C1GALT1: variants seen among roughly 807,000 people sequenced by gnomAD.
C1GALT1 encodes core 1 synthase, glycoprotein-N-acetylgalactosamine 3-beta-galactosyltransferase 1.
Under a neutral mutation model 31.0 loss-of-function variants are expected in C1GALT1, and 11 were observed. The ratio of observed to expected loss-of-function variants is 0.36; its 90% CI spans 0.22 to 0.59. The LOEUF (loss-of-function observed/expected upper bound fraction) is 0.59. Among genes scored for constraint, C1GALT1 ranks in the 20% least tolerant of loss-of-function variants. The probability of loss-of-function intolerance (pLI) is 0.79; values close to 1 mark genes in which losing one functional copy is unlikely to be tolerated. For synonymous variants in C1GALT1, 175 were observed against 143.6 expected, an observed-to-expected ratio of 1.22 and a Z score of -1.56; for missense variants, 424 against 425.2, an observed-to-expected ratio of 1.00 and a Z score of 0.03.
chr7:7,199,199 C>T (rs967389745), intron 1 of C1GALT1, among the ~76,000 whole-genome samples: 2 of 152,172 alleles, frequency 1.3e-5, no homozygotes, highest in African/African-American at 4.8e-5. Context: ...CCTCTACACA[C>T]TGCTTTAAAT....
At position 7,174,610 on chromosome 7, in the gene C1GALT1, A is replaced by G. The variant is rs141196193; in HGVS notation, c.-18+17184A>G. ...AAGAAAAAAAAAAAGTAGCTATACC[A>G]TTTGCATTCCAACAACAAATGAAAA... is the stretch of plus-strand genomic sequence containing the variant. On this transcript the variant is annotated intron_variant, in intron 2 of 3. Transcript: ENST00000429911. 2.7e-3 allele frequency among the ~76,000 whole-genome samples: 403 copies of G among 152,028 alleles called. 2 individuals carry two copies. Among genetic ancestry groups the G allele is most frequent in the African/African-American group, 9.1e-3 (378 of 41,440 alleles).
intron 1 of C1GALT1, among the ~76,000 whole-genome samples, chr7:7,217,657 G>A (rs1261821421): frequency 4.6e-5 from 7 of 152,158 alleles, no homozygotes; most frequent in Non-Finnish European, 7.4e-5. Context: ...AAATACAACA[G>A]AAGCAGTTCT....
At chr7:7,181,273 G>GATATTGCGGAAAGGTGGAAGGATATTGC (rs1349033458), upstream of C1GALT1, among the ~76,000 whole-genome samples, 7 of 152,042 alleles carry the variant, frequency 4.6e-5, no homozygotes, top group African/African-American at 7.2e-5. Flanking sequence ...AAGGTGGAGG[G>GATATTGCGGAAAGGTGGAAGGATATTGC]GGAGGAGGCT....
chr7:7,228,122 T>C (rs1480612209), intron 1 of C1GALT1, among the ~76,000 whole-genome samples: 2 of 152,220 alleles, frequency 1.3e-5, no homozygotes, highest in African/African-American at 4.8e-5. Flanking sequence ...ATGTTAACTG[T>C]AATTACCTCT....
At chr7:7,174,888 G>A (rs1027741355) in intron 2 of C1GALT1, among the ~76,000 whole-genome samples, 1 of 151,702 alleles carries the variant, frequency 6.6e-6, no homozygotes, top group Non-Finnish European at 1.5e-5. Flanking sequence ...TCATTTCCAT[G>A]TTTAGCATTT....
chr7:7,205,346 T>G (rs1266193255), intron 1 of C1GALT1, among the ~76,000 whole-genome samples: 1 of 152,244 alleles, frequency 6.6e-6, no homozygotes, highest in Non-Finnish European at 1.5e-5. Context: ...AAGCAGTTGA[T>G]TAACACATTT....
intron 1 of C1GALT1, among the ~76,000 whole-genome samples, chr7:7,197,770 T>C (rs1353672287): frequency 6.6e-6 from 1 of 152,170 alleles, no homozygotes; most frequent in Non-Finnish European, 1.5e-5. Context: ...CCCTTGTAAG[T>C]TGGATTCCTA....
At chr7:7,172,062 T>C (rs1297433399) in intron 2 of C1GALT1, among the ~76,000 whole-genome samples, 1 of 152,224 alleles carries the variant, frequency 6.6e-6, no homozygotes. Flanking sequence ...TTTATTTTCT[T>C]AACATGGCTT....
At chr7:7,230,771 G>GT (rs765314293) in intron 1 of C1GALT1, among the ~76,000 whole-genome samples, 2,514 of 141,608 alleles carry the variant, frequency 0.018, 31 homozygotes, top group Non-Finnish European at 0.022. Flanking sequence ...TTATTAATCA[G>GT]TTTTTTTTTT....
intron 1 of C1GALT1, among the ~76,000 whole-genome samples, chr7:7,207,426 C>G (rs1192018515): frequency 4.3e-5 from 6 of 139,088 alleles, no homozygotes; most frequent in Admixed American, 7.4e-5. Context: ...ATCCTCCCAT[C>G]CCAGCTTCCT....
At chr7:7,193,706 T>C (rs1189367558) in intron 1 of C1GALT1, among the ~76,000 whole-genome samples, 2 of 152,144 alleles carry the variant, frequency 1.3e-5, no homozygotes, top group Non-Finnish European at 2.9e-5. Flanking sequence ...TCCCTAGCTC[T>C]GCAAAGAATG....
intron 1 of C1GALT1, among the ~76,000 whole-genome samples, chr7:7,195,151 GTTTC>G (rs1463300364): frequency 6.6e-6 from 1 of 151,784 alleles, no homozygotes; most frequent in African/African-American, 2.4e-5. Flanking sequence ...TTTTTTGTTT[GTTTC>G]TTTCTTTGTC....
At chr7:7,232,701 G>C (rs1783145032) in intron 1 of C1GALT1, among the ~76,000 whole-genome samples, 1 of 152,054 alleles carries the variant, frequency 6.6e-6, no homozygotes, top group African/African-American at 2.4e-5. Flanking sequence ...TGTTGGCCAG[G>C]CTGGTCTTGA....
chr7:7,221,421 T>C (rs539937373), intron 1 of C1GALT1, among the ~76,000 whole-genome samples: 1 of 152,356 alleles, frequency 6.6e-6, no homozygotes, highest in Admixed American at 6.5e-5. Flanking sequence ...GTATGTTGTT[T>C]GTTTTTAAGT....
chr7:7,207,406 G>A (rs1781798071), intron 1 of C1GALT1, among the ~76,000 whole-genome samples: 1 of 121,746 alleles, frequency 8.2e-6, no homozygotes, highest in South Asian at 2.7e-4. Context: ...CAAACTCCTG[G>A]GCTCAAGCAA....
chr7:7,198,292 A>G (rs544723379), intron 1 of C1GALT1, among the ~76,000 whole-genome samples: 12 of 152,288 alleles, frequency 7.9e-5, no homozygotes, highest in African/African-American at 2.4e-4. Flanking sequence ...TGAGATAATC[A>G]TGTGGTTTTT....
chr7:7,229,783 G>C (rs1482598284), intron 1 of C1GALT1, among the ~76,000 whole-genome samples: 1 of 152,152 alleles, frequency 6.6e-6, no homozygotes, highest in Non-Finnish European at 1.5e-5. Flanking sequence ...CAGAATTTGA[G>C]ACCCCCTCAT....
intron 3 of C1GALT1, 96 bp downstream of exon 3, chr7:7,239,018 C>A: frequency 1.0e-6 from 1 of 955,422 alleles, no homozygotes; most frequent in Non-Finnish European, 1.5e-6. Flanking sequence ...TTAGTACCAA[C>A]AACAAGGACT....
chr7:7,218,374 T>C (rs1392275737), intron 1 of C1GALT1, among the ~76,000 whole-genome samples: 4 of 152,194 alleles, frequency 2.6e-5, no homozygotes, highest in Non-Finnish European at 5.9e-5. Flanking sequence ...TGAAAAGTAT[T>C]ATATTTTTAA....
Sources: allele counts gnomAD v4.1 joint callset (sites outside exome capture counted in the v4.1 genomes callset), GRCh38; gene constraint gnomAD v4.1.1; transcripts MANE v1.5; gene names NCBI Gene and HGNC (gene_info 2026-07-23, HGNC 2026-07-21).